The following CADPS variants were observed in gnomAD, a reference collection of about 807,000 sequenced individuals.
The protein encoded by CADPS is calcium dependent secretion activator.
In CADPS, 57 loss-of-function variants were observed where a neutral mutation model predicts 167.3. That is an observed-to-expected ratio of 0.34 (90% CI 0.28 to 0.42). The LOEUF (loss-of-function observed/expected upper bound fraction) is 0.42, where lower values mean the gene tolerates loss of function less well. Ranked by LOEUF, CADPS falls within the 20% of genes least tolerant of loss-of-function variation. CADPS has a pLI of 1.00. For missense variants in CADPS, 1,414 were observed against 1,738.1 expected (o/e 0.81, Z 3.32); for synonymous variants, 676 against 635.3 (o/e 1.06, Z -0.96).
chr3:62,840,755 T>C lies in CADPS; in HGVS notation c.441+33834A>G, dbSNP rs568019911. On this transcript the variant is annotated intron_variant, in intron 1 of 29. Transcript: ENST00000383710. Reference sequence around the variant, plus strand: ...ACTTTAATATAAACCATTGATATCCTGGAGCAGCAGAACTGTGTCATAGGA... The same window carrying C: ...ACTTTAATATAAACCATTGATATCCCGGAGCAGCAGAACTGTGTCATAGGA... Among the ~76,000 whole-genome samples, 7 of 152,306 alleles carry C rather than the reference T, an allele frequency of 4.6e-5. No individual in the cohort carries two copies. The East Asian group carries it at 1.3e-3, about 29-fold the overall frequency.
Position 62,650,871 on chromosome 3 carries a change from A to G in CADPS, c.1179T>C (p.Asp393=). Residue 393 remains aspartate (D), a synonymous_variant, in exon 5 of 30, where the codon GAT becomes GAC. Coordinates refer to ENST00000383710, the MANE Select transcript of CADPS (RefSeq NM_003716.4). ...CCTCCAATGAGAAAGACAGCACGAC[A>G]TCTGACTTGGAGAGCTGGTTCTCAC... The part of the protein sequence containing the change: ...EESENQLSKS[D]VVLSFSLEVV... 6.2e-7 allele frequency: 1 copy of G among 1,613,960 alleles called. No homozygotes were observed. Among genetic ancestry groups the G allele is most frequent in the Non-Finnish European group, 8.5e-7 (1 of 1,179,922 alleles).
chr3:62,423,826 G>A (rs1389859853), intron 28 of CADPS, among the ~76,000 whole-genome samples: 2 of 152,190 alleles, frequency 1.3e-5, no homozygotes, highest in Non-Finnish European at 2.9e-5. Context: ...TCCTAGGGCT[G>A]CTAAGAGGAT....
chr3:62,570,579 C>T (rs549747334), intron 9 of CADPS, among the ~76,000 whole-genome samples: 19 of 152,052 alleles, frequency 1.2e-4, no homozygotes, highest in African/African-American at 4.1e-4. Flanking sequence ...CTACTCTCCC[C>T]GACTTATCTC....
chr3:62,547,036 G>A (rs1019120599), intron 11 of CADPS, among the ~76,000 whole-genome samples: 1 of 152,116 alleles, frequency 6.6e-6, no homozygotes, highest in Non-Finnish European at 1.5e-5. Flanking sequence ...ATAAAGGTTG[G>A]GTTGATTAAA....
chr3:62,720,518 T>C (rs1421790430), intron 3 of CADPS, among the ~76,000 whole-genome samples: 2 of 152,226 alleles, frequency 1.3e-5, no homozygotes, highest in South Asian at 2.1e-4. Flanking sequence ...AAATTATTTT[T>C]TGTAGAAATG....
At chr3:62,591,866 G>A (rs1654356528) in intron 7 of CADPS, among the ~76,000 whole-genome samples, 1 of 152,198 alleles carries the variant, frequency 6.6e-6, no homozygotes, top group Admixed American at 6.5e-5. Context: ...GGAATGACAT[G>A]ATGCTCCTTA....
intron 9 of CADPS, among the ~76,000 whole-genome samples, chr3:62,559,898 T>TA (rs959909158): frequency 5.9e-4 from 88 of 149,546 alleles, no homozygotes; most frequent in African/African-American, 1.9e-3. Context: ...ACTTAAGATT[T>TA]AAAAAAAAAA....
At chr3:62,759,127 G>C (rs2084731254) in intron 2 of CADPS, among the ~76,000 whole-genome samples, 1 of 152,174 alleles carries the variant, frequency 6.6e-6, no homozygotes, top group African/African-American at 2.4e-5. Context: ...CCTGGTATTA[G>C]AACACCTGGG....
intron 22 of CADPS, among the ~76,000 whole-genome samples, chr3:62,481,184 C>G (rs2061966962): frequency 6.6e-6 from 1 of 152,190 alleles, no homozygotes; most frequent in African/African-American, 2.4e-5. Flanking sequence ...GTGACTAAGG[C>G]TTGATCCATT....
At chr3:62,794,768 C>G (rs557037048) in intron 1 of CADPS, among the ~76,000 whole-genome samples, 1 of 99,776 alleles carries the variant, frequency 1.0e-5, no homozygotes, top group Non-Finnish European at 1.8e-5. Flanking sequence ...ACAAGACAGA[C>G]GCAAGGTGGT....
chr3:62,847,432 C>T (rs1484807222), intron 1 of CADPS, among the ~76,000 whole-genome samples: 1 of 94,670 alleles, frequency 1.1e-5, no homozygotes, highest in East Asian at 3.3e-4. Context: ...TCCCCCCTCC[C>T]CCCACCCCAC....
At chr3:62,615,414 C>T (rs1457090923) in intron 6 of CADPS, among the ~76,000 whole-genome samples, 7 of 152,134 alleles carry the variant, frequency 4.6e-5, no homozygotes, top group Admixed American at 4.6e-4. Context: ...ATGACAGTAA[C>T]AAAGCATCAG....
intron 3 of CADPS, among the ~76,000 whole-genome samples, chr3:62,684,366 T>G (rs946448744): frequency 1.3e-5 from 2 of 152,068 alleles, no homozygotes; most frequent in African/African-American, 4.8e-5. Flanking sequence ...ACTTTTCAAC[T>G]TTTTGGCTCT....
chr3:62,646,579 A>G (rs569975182), intron 5 of CADPS, among the ~76,000 whole-genome samples: 1 of 152,310 alleles, frequency 6.6e-6, no homozygotes, highest in East Asian at 1.9e-4. Flanking sequence ...TAATAGTGCA[A>G]ATACTAAAAT....
intron 4 of CADPS, among the ~76,000 whole-genome samples, chr3:62,654,900 T>C (rs1450192827): frequency 6.6e-6 from 1 of 152,314 alleles, no homozygotes; most frequent in Non-Finnish European, 1.5e-5. Flanking sequence ...TGAGAGACTG[T>C]CTTGTCAAGT....
At chr3:62,655,631 A>G (rs1039553618) in intron 4 of CADPS, among the ~76,000 whole-genome samples, 2 of 152,044 alleles carry the variant, frequency 1.3e-5, no homozygotes, top group Admixed American at 6.6e-5. Context: ...GAGAGGATGA[A>G]TGGGGTATGT....
At chr3:62,633,258 G>C (rs1303844188) in intron 6 of CADPS, among the ~76,000 whole-genome samples, 1 of 151,996 alleles carries the variant, frequency 6.6e-6, no homozygotes, top group East Asian at 1.9e-4. Context: ...TGCCATCATC[G>C]ACCACCACCC....
At chr3:62,676,239 T>C (rs1391482331) in intron 3 of CADPS, among the ~76,000 whole-genome samples, 2 of 152,116 alleles carry the variant, frequency 1.3e-5, no homozygotes, top group East Asian at 3.9e-4. Flanking sequence ...AAGAAATGGC[T>C]TTAAGATGAA....
intron 28 of CADPS, among the ~76,000 whole-genome samples, chr3:62,417,498 T>C (rs977046362): frequency 6.6e-6 from 1 of 151,908 alleles, no homozygotes; most frequent in African/African-American, 2.4e-5. Flanking sequence ...TTGGCCAGGC[T>C]GGTCTTGAAC....
Sources: allele counts gnomAD v4.1 joint callset (sites outside exome capture counted in the v4.1 genomes callset), GRCh38; gene constraint gnomAD v4.1.1; transcripts MANE v1.5; gene names NCBI Gene and HGNC (gene_info 2026-07-23, HGNC 2026-07-21).